GPC6: variants seen among roughly 807,000 people sequenced by gnomAD.
GPC6 encodes glypican 6.
In GPC6, 14 loss-of-function variants were observed where a neutral mutation model predicts 55.2. The ratio of observed to expected loss-of-function variants is 0.25; its 90% CI spans 0.17 to 0.40. GPC6 has a LOEUF of 0.40. Among genes scored for constraint, GPC6 ranks in the 10% least tolerant of loss-of-function variants. GPC6 has a pLI of 1.00. For synonymous variants in GPC6, 278 were observed against 259.6 expected (o/e 1.07, Z -0.68); for missense variants, 641 against 708.5 (o/e 0.90, Z 1.08).
chr13:93,356,317 G>T (rs940223427), intron 1 of GPC6, among the ~76,000 whole-genome samples: 5 of 152,140 alleles, frequency 3.3e-5, no homozygotes, highest in Non-Finnish European at 5.9e-5. Context: ...AGTAGAGCAA[G>T]AGTTCAAGAT....
At chr13:93,731,656 T>C (rs1883824401) in intron 2 of GPC6, among the ~76,000 whole-genome samples, 1 of 152,194 alleles carries the variant, frequency 6.6e-6, no homozygotes, top group Non-Finnish European at 1.5e-5. Context: ...GGAGTATAGA[T>C]ATACATGCAG....
At chr13:94,224,605 G>C (rs9524374) in intron 4 of GPC6, among the ~76,000 whole-genome samples, 1 of 151,910 alleles carries the variant, frequency 6.6e-6, no homozygotes, top group Non-Finnish European at 1.5e-5. Flanking sequence ...CATGGAATCC[G>C]TTGCAAAATT....
chr13:93,610,185 G>T (rs779097105), intron 2 of GPC6, among the ~76,000 whole-genome samples: 6 of 152,126 alleles, frequency 3.9e-5, no homozygotes, highest in Non-Finnish European at 7.4e-5. Flanking sequence ...AGATTTTACG[G>T]AAAAAACTTC....
chr13:93,367,924 A>G (rs1881305735), intron 1 of GPC6, among the ~76,000 whole-genome samples: 2 of 152,144 alleles, frequency 1.3e-5, no homozygotes, highest in Non-Finnish European at 2.9e-5. Context: ...TGGGTATCCT[A>G]TAAATGTCAC....
intron 1 of GPC6, among the ~76,000 whole-genome samples, chr13:93,532,274 T>A (rs1594241626): frequency 6.6e-6 from 1 of 152,122 alleles, no homozygotes; most frequent in Non-Finnish European, 1.5e-5. Context: ...TTCTATTCAT[T>A]ATCTTTTAAA....
Position 93,506,894 on chromosome 13 carries a change from CAAA to C in GPC6, c.161-38354_161-38352del, listed in dbSNP as rs34398987. The stretch of plus-strand genomic sequence containing the variant: ...TCTCTACTAAAAAAAAAAGAAAATA[CAAA>C]AAAAAAAAAAAAAATTAGCCGGGCG... On this transcript the variant is annotated intron_variant, in intron 1 of 8. Transcript: ENST00000377047. 2.8e-3 allele frequency among the ~76,000 whole-genome samples: 348 copies of C among 123,066 alleles called. 1 individual carries two copies. The highest frequency in any genetic ancestry group is 9.7e-3 in the African/African-American group (314 of 32,248). The allele number at this position is 123,066 out of a possible 152,430, so 80.7% of individuals were successfully genotyped here. A position where few individuals can be genotyped will look rare whatever the true frequency, so the allele number is the denominator to read the frequency against.
chr13:93,269,591 A>G (rs577142277), intron 1 of GPC6, among the ~76,000 whole-genome samples: 1 of 152,116 alleles, frequency 6.6e-6, no homozygotes, highest in East Asian at 1.9e-4. Context: ...TGTTTCAATT[A>G]ATAACTTGCT....
At chr13:94,340,224 G>A (rs1226797317) in intron 6 of GPC6, among the ~76,000 whole-genome samples, 1 of 152,050 alleles carries the variant, frequency 6.6e-6, no homozygotes, top group African/African-American at 2.4e-5. Context: ...TGGGATTTGG[G>A]GGAAATCATT....
intron 3 of GPC6, among the ~76,000 whole-genome samples, chr13:93,938,017 C>T (rs1369232269): frequency 1.3e-5 from 2 of 151,960 alleles, no homozygotes; most frequent in East Asian, 3.9e-4. Flanking sequence ...ATTATAATAC[C>T]CTTAATTAGT....
Position 93,227,108 on chromosome 13 carries a change from C to A in GPC6, c.-349C>A. The A allele has an allele frequency of 5.6e-6, 1 of 178,978 alleles. No homozygotes were observed. 11.1% of individuals were successfully genotyped at this position (178,978 alleles called of 1,614,324 possible). A position where few individuals can be genotyped will look rare whatever the true frequency, so the allele number is the denominator to read the frequency against. On this transcript the variant is annotated 5_prime_UTR_variant, in exon 1 of 9. Transcript: ENST00000377047. The surrounding 1 kb of genome is among the most constrained non-coding windows in gnomAD (Gnocchi z 4.3). ...GAGCCCGCAGCGCTCCAGGATTCTG[C>A]GGCTCGGAACTCGGATTGCAGCTCT...
intron 1 of GPC6, among the ~76,000 whole-genome samples, chr13:93,466,291 C>G (rs1878902262): frequency 6.6e-6 from 1 of 151,982 alleles, no homozygotes; most frequent in African/African-American, 2.4e-5. Context: ...AGTGATTCAT[C>G]TAGATATTCT....
chr13:93,488,099 C>A (rs577081775), intron 1 of GPC6, among the ~76,000 whole-genome samples: 1 of 152,136 alleles, frequency 6.6e-6, no homozygotes, highest in Non-Finnish European at 1.5e-5. Context: ...AGGTATATCG[C>A]CTAATGCTAT....
chr13:93,807,400 C>T (rs868613787), intron 2 of GPC6, among the ~76,000 whole-genome samples: 9 of 152,186 alleles, frequency 5.9e-5, no homozygotes, highest in South Asian at 4.1e-4. Flanking sequence ...ATTCCCAAGA[C>T]GTAATTCCTC....
At chr13:94,219,350 A>T (rs1890315252) in intron 4 of GPC6, among the ~76,000 whole-genome samples, 1 of 152,172 alleles carries the variant, frequency 6.6e-6, no homozygotes, top group African/African-American at 2.4e-5. Flanking sequence ...ACTCAGTGCT[A>T]GTACCCACAT....
At chr13:93,852,246 G>A (rs946507773) in intron 3 of GPC6, among the ~76,000 whole-genome samples, 1 of 151,652 alleles carries the variant, frequency 6.6e-6, no homozygotes, top group African/African-American at 2.4e-5. Context: ...CTCAGTTTTT[G>A]TTCTTGTCTA....
At chr13:93,795,043 C>T (rs796654631) in intron 2 of GPC6, among the ~76,000 whole-genome samples, 1 of 152,036 alleles carries the variant, frequency 6.6e-6, no homozygotes, top group African/African-American at 2.4e-5. Context: ...TCTAGTTGAA[C>T]CAAACTGTTA....
chr13:94,166,832 T>C (rs980459983), intron 4 of GPC6, among the ~76,000 whole-genome samples: 5 of 152,230 alleles, frequency 3.3e-5, no homozygotes, highest in African/African-American at 9.6e-5. Context: ...TCATCAAATA[T>C]GTATTTAGTC....
chr13:93,776,595 A>C (rs887058637), intron 2 of GPC6, among the ~76,000 whole-genome samples: 2 of 151,604 alleles, frequency 1.3e-5, no homozygotes, highest in African/African-American at 4.8e-5. Context: ...GTATGTTCAG[A>C]AAAAAAAAGA....
At chr13:93,863,467 T>C (rs1049507228) in intron 3 of GPC6, among the ~76,000 whole-genome samples, 1 of 151,728 alleles carries the variant, frequency 6.6e-6, no homozygotes, top group Non-Finnish European at 1.5e-5. Flanking sequence ...GAAAACATGT[T>C]TTTATGTTAC....
Sources: allele counts gnomAD v4.1 joint callset (sites outside exome capture counted in the v4.1 genomes callset), GRCh38; gene constraint gnomAD v4.1.1; non-coding constraint Gnocchi (gnomAD v3.1); transcripts MANE v1.5; gene names NCBI Gene and HGNC (gene_info 2026-07-23, HGNC 2026-07-21).